The following ERC2 variants were observed in gnomAD, a reference collection of about 807,000 sequenced individuals.
The protein encoded by ERC2 is ERC protein 2.
A neutral mutation model predicts 114.8 loss-of-function variants in ERC2; 42 were observed. The observed-to-expected ratio is 0.37, with a 90% confidence interval of 0.29 to 0.47. ERC2 has a LOEUF of 0.47. ERC2 is among the 20% of genes least tolerant of loss of function. The pLI, the probability that ERC2 is intolerant of heterozygous loss-of-function variation, is 0.99. For missense variants in ERC2, 939 were observed against 1,150.7 expected (o/e 0.82, Z 2.66); for synonymous variants, 454 against 425.5 (o/e 1.07, Z -0.82).
chr3:56,274,394 T>C (rs2053857012), intron 3 of ERC2, among the ~76,000 whole-genome samples: 1 of 152,094 alleles, frequency 6.6e-6, no homozygotes, highest in Non-Finnish European at 1.5e-5. Flanking sequence ...CAGGACCACC[T>C]ACCACAGCAT....
chr3:55,903,582 A>T (rs1462489156), intron 13 of ERC2, among the ~76,000 whole-genome samples: 1 of 152,248 alleles, frequency 6.6e-6, no homozygotes, highest in East Asian at 1.9e-4. Context: ...GTTCAAGAGG[A>T]AAAACAGCCT....
intron 12 of ERC2, among the ~76,000 whole-genome samples, chr3:55,976,769 A>C (rs2069624238): frequency 6.6e-6 from 1 of 152,230 alleles, no homozygotes; most frequent in African/African-American, 2.4e-5. Flanking sequence ...TCCATGCTTC[A>C]TACCTCACAC....
intron 6 of ERC2, among the ~76,000 whole-genome samples, chr3:56,087,179 TTG>T (rs59471652): frequency 0.028 from 4,054 of 147,336 alleles, 93 homozygotes; most frequent in East Asian, 0.11. Flanking sequence ...TTTGATCCAT[TTG>T]TGTGTGTGTG....
chr3:55,713,838 A>C lies in ERC2; in HGVS notation c.2713-14326T>G, dbSNP rs536737512. 6.6e-5 allele frequency among the ~76,000 whole-genome samples: 10 copies of C among 152,286 alleles called. No individual in the cohort carries two copies. In the South Asian group the frequency reaches 1.9e-3, roughly 28 times the overall value. On this transcript the variant is annotated intron_variant, in intron 15 of 17. Coordinates refer to ENST00000288221, the MANE Select transcript of ERC2 (RefSeq NM_015576.3). Reference sequence around the variant, plus strand: ...CAGTCCTTATTTCTCCATGTGGTAAAAAAGCTATTCATATACATATAAGTT... The same window carrying C: ...CAGTCCTTATTTCTCCATGTGGTAACAAAGCTATTCATATACATATAAGTT...
chr3:56,218,633 T>C (rs2049671865), intron 3 of ERC2, among the ~76,000 whole-genome samples: 1 of 152,186 alleles, frequency 6.6e-6, no homozygotes, highest in African/African-American at 2.4e-5. Flanking sequence ...AGCCATCCCA[T>C]TACTGGGTAT....
At chr3:55,838,973 C>G (rs2061015212) in intron 14 of ERC2, among the ~76,000 whole-genome samples, 1 of 151,794 alleles carries the variant, frequency 6.6e-6, no homozygotes, top group Non-Finnish European at 1.5e-5. Context: ...AAATTATAAA[C>G]CCACAGATCC....
At chr3:55,753,387 C>A (rs947824234) in intron 14 of ERC2, among the ~76,000 whole-genome samples, 1 of 152,120 alleles carries the variant, frequency 6.6e-6, no homozygotes, top group Non-Finnish European at 1.5e-5. Flanking sequence ...ATTACCTACC[C>A]CCGAGGTCAC....
chr3:56,014,939 C>T (rs9839881), intron 8 of ERC2, among the ~76,000 whole-genome samples: 53,779 of 151,950 alleles, frequency 0.35, 10,756 homozygotes, highest in African/African-American at 0.53. Context: ...GAGAATATCT[C>T]TCCCCAAAAA....
At chr3:56,116,014 C>T (rs1463060753) in intron 6 of ERC2, among the ~76,000 whole-genome samples, 2 of 152,272 alleles carry the variant, frequency 1.3e-5, no homozygotes, top group East Asian at 3.9e-4. Context: ...CTCTTCTTTC[C>T]CTGGGAAACT....
intron 6 of ERC2, among the ~76,000 whole-genome samples, chr3:56,099,428 A>G (rs1021250378): frequency 6.6e-6 from 1 of 152,230 alleles, no homozygotes; most frequent in African/African-American, 2.4e-5. Context: ...TCAAAGACCA[A>G]TGAAACACCG....
intron 7 of ERC2, among the ~76,000 whole-genome samples, chr3:56,079,150 A>T (rs897657131): frequency 3.9e-5 from 6 of 152,302 alleles, no homozygotes; most frequent in Non-Finnish European, 5.9e-5. Flanking sequence ...ATTACATTAA[A>T]AAAAGTAAAA....
chr3:56,030,142 C>T (rs563379992), intron 7 of ERC2, among the ~76,000 whole-genome samples: 82 of 152,172 alleles, frequency 5.4e-4, no homozygotes, highest in Non-Finnish European at 1.6e-4. Flanking sequence ...TTATCAATTT[C>T]CAGTTTTATT....
chr3:55,982,614 C>T (rs183752227), intron 12 of ERC2, among the ~76,000 whole-genome samples: 161 of 152,092 alleles, frequency 1.1e-3, no homozygotes, highest in African/African-American at 3.7e-3. Flanking sequence ...AATGTCACAC[C>T]GCATTTCTTA....
intron 1 of ERC2, among the ~76,000 whole-genome samples, chr3:56,466,579 C>A (rs986657368): frequency 6.6e-6 from 1 of 152,168 alleles, no homozygotes; most frequent in African/African-American, 2.4e-5. Flanking sequence ...CTCTACTACT[C>A]CCCGGAAAGA....
intron 2 of ERC2, among the ~76,000 whole-genome samples, chr3:56,320,975 T>A (rs953662604): frequency 6.6e-6 from 1 of 152,174 alleles, no homozygotes; most frequent in African/African-American, 2.4e-5. Flanking sequence ...AGAAGCATCA[T>A]CTCAAAGTCT....
At chr3:56,258,205 G>C (rs1344106008) in intron 3 of ERC2, among the ~76,000 whole-genome samples, 2 of 152,132 alleles carry the variant, frequency 1.3e-5, no homozygotes, top group East Asian at 3.9e-4. Context: ...AGATGATCTA[G>C]ACTAGGGATT....
At position 56,449,146 on chromosome 3, in the gene ERC2, C is replaced by T. The variant is rs1295508845; in HGVS notation, c.-140-13999G>A. Among the ~76,000 whole-genome samples, 12 of 151,256 alleles carry T rather than the reference C, an allele frequency of 7.9e-5. No individual in the cohort carries two copies. The East Asian group carries it at 1.6e-3, about 20-fold the overall frequency. On this transcript the variant is annotated intron_variant, in intron 1 of 17. Coordinates refer to ENST00000288221, the MANE Select transcript of ERC2 (RefSeq NM_015576.3). ...TAGTTTGCTGACACCTGATCTGTAA[C>T]GTCACACATATGTGCCCCTCCACAA...
chr3:56,122,716 TC>T (rs2079647308), intron 6 of ERC2, among the ~76,000 whole-genome samples: 1 of 152,242 alleles, frequency 6.6e-6, no homozygotes, highest in South Asian at 2.1e-4. Flanking sequence ...GAATGATGAC[TC>T]CCTTTCTAAT....
chr3:56,280,067 G>A (rs1272169030), intron 3 of ERC2, among the ~76,000 whole-genome samples: 1 of 152,190 alleles, frequency 6.6e-6, no homozygotes, highest in African/African-American at 2.4e-5. Flanking sequence ...GTTTTGATAA[G>A]AGGGAGGCAA....
Sources: gnomAD v4.1 joint callset for allele counts (sites outside exome capture counted in the v4.1 genomes callset) on GRCh38, gnomAD v4.1.1 for gene constraint, MANE v1.5 for transcripts, NCBI Gene and HGNC (gene_info 2026-07-23, HGNC 2026-07-21) for gene names.